Variants in DCLK1 observed in about 807,000 individuals in gnomAD.
DCLK1 encodes serine/threonine-protein kinase DCLK1.
A neutral mutation model predicts 86.2 loss-of-function variants in DCLK1; 16 were observed. That is an observed-to-expected ratio of 0.19 (90% CI 0.13 to 0.28). The LOEUF (loss-of-function observed/expected upper bound fraction) is 0.28, where lower values mean the gene tolerates loss of function less well. Ranked by LOEUF, DCLK1 falls within the 10% of genes least tolerant of loss-of-function variation. The probability of loss-of-function intolerance (pLI) is 1.00; values close to 1 mark genes in which losing one functional copy is unlikely to be tolerated. For synonymous variants in DCLK1, 369 were observed against 370.5 expected (o/e 1.00, Z 0.05); for missense variants, 590 against 940.2 (o/e 0.63, Z 4.87).
In DCLK1 at chr13:35,980,668, G is replaced by A. The variant is rs75725979; in HGVS notation, c.724-33211C>T. Reference sequence around the variant, plus strand: ...TCCATGGACGTGGGCTGGGTGCGGGGATGGTTTCGTGATGAAATCATTCCA... The same window carrying A: ...TCCATGGACGTGGGCTGGGTGCGGGAATGGTTTCGTGATGAAATCATTCCA... On this transcript the variant is annotated intron_variant, in intron 3 of 16. Coordinates refer to ENST00000360631, the MANE Select transcript of DCLK1 (RefSeq NM_001330071.2). 3.3e-3 allele frequency among the ~76,000 whole-genome samples: 497 copies of A among 152,188 alleles called. 1 individual carries two copies. Among genetic ancestry groups the A allele is most frequent in the African/African-American group, 0.011 (472 of 41,518 alleles).
intron 3 of DCLK1, among the ~76,000 whole-genome samples, chr13:36,078,651 T>C (rs1884302347): frequency 6.6e-6 from 1 of 152,212 alleles, no homozygotes; most frequent in Non-Finnish European, 1.5e-5. Context: ...CTGGAGCAAG[T>C]GGATGGTGAA....
At position 35,850,517 on chromosome 13, in the gene DCLK1, G is replaced by A. The variant is rs978813976; in HGVS notation, c.1035+3982C>T. 6.5e-6 allele frequency: 8 copies of A among 1,238,514 alleles called. No homozygotes were observed. The African/African-American group carries it at 9.4e-5, about 14-fold the overall frequency. 76.7% of individuals were successfully genotyped at this position (1,238,514 alleles called of 1,614,324 possible). On this transcript the variant is annotated intron_variant, in intron 6 of 16. Coordinates refer to ENST00000360631, the MANE Select transcript of DCLK1 (RefSeq NM_001330071.2). ...AAACTCTCCCCAATCAAATCCATGTGGGAGATATTTTTAAAAATCTCTCAA... is the reference window on the plus strand; with the variant it reads ...AAACTCTCCCCAATCAAATCCATGTAGGAGATATTTTTAAAAATCTCTCAA...
At chr13:35,890,736 G>C (rs1873592501) in intron 4 of DCLK1, among the ~76,000 whole-genome samples, 3 of 151,644 alleles carry the variant, frequency 2.0e-5, no homozygotes, top group African/African-American at 7.3e-5. Flanking sequence ...TTACCTGTTT[G>C]AGAAAAAAAT....
At chr13:36,124,285 GA>G (rs1228920396) in intron 2 of DCLK1, among the ~76,000 whole-genome samples, 5 of 152,174 alleles carry the variant, frequency 3.3e-5, no homozygotes, top group African/African-American at 1.2e-4. Context: ...AATTAAAGCT[GA>G]AACAGTAAAA....
chr13:35,975,563 G>A (rs1249000821), intron 3 of DCLK1, among the ~76,000 whole-genome samples: 1 of 139,516 alleles, frequency 7.2e-6, no homozygotes, highest in African/African-American at 2.7e-5. Context: ...CACCCCACTT[G>A]CTACCAGAGT....
At chr13:36,036,094 G>C (rs1882477350) in intron 3 of DCLK1, among the ~76,000 whole-genome samples, 1 of 152,102 alleles carries the variant, frequency 6.6e-6, no homozygotes, top group African/African-American at 2.4e-5. Flanking sequence ...CTCCCCGTAA[G>C]ACATGCCCAT....
chr13:36,050,693 G>T (rs1384534566), intron 3 of DCLK1, among the ~76,000 whole-genome samples: 1 of 152,092 alleles, frequency 6.6e-6, no homozygotes, highest in Non-Finnish European at 1.5e-5. Context: ...TATGCATGAG[G>T]TTCAAGTTCT....
chr13:36,057,336 T>C (rs1335113743), intron 3 of DCLK1, among the ~76,000 whole-genome samples: 1 of 152,188 alleles, frequency 6.6e-6, no homozygotes, highest in Non-Finnish European at 1.5e-5. Context: ...TCTACTTTCC[T>C]GTCTTTAAAA....
At chr13:35,975,063 C>T (rs902083206) in intron 3 of DCLK1, among the ~76,000 whole-genome samples, 19 of 152,154 alleles carry the variant, frequency 1.2e-4, no homozygotes, top group Admixed American at 6.5e-4. Flanking sequence ...TGTAAGGTCC[C>T]CAAGGGCACA....
At chr13:35,909,304 G>A (rs1874863599) in intron 4 of DCLK1, among the ~76,000 whole-genome samples, 1 of 152,188 alleles carries the variant, frequency 6.6e-6, no homozygotes, top group African/African-American at 2.4e-5. Flanking sequence ...TTTCTCCAAA[G>A]AGGGTGTGAG....
chr13:36,130,952 G>A (rs979906162), intron 1 of DCLK1, among the ~76,000 whole-genome samples, 162 bp downstream of exon 1: 1 of 151,810 alleles, frequency 6.6e-6, no homozygotes, highest in African/African-American at 2.4e-5. Flanking sequence ...GCTGGCCAGG[G>A]CAGGGCGGCC....
chr13:35,789,188 C>T (rs2086669738), intron 16 of DCLK1, among the ~76,000 whole-genome samples: 1 of 152,148 alleles, frequency 6.6e-6, no homozygotes, highest in South Asian at 2.1e-4. Flanking sequence ...ACTTGGACAC[C>T]TTTCTTCAGA....
In DCLK1 at chr13:35,983,120, T is replaced by TTTA. The variant is rs570947552; in HGVS notation, c.724-35666_724-35664dup. Among the ~76,000 whole-genome samples, 82 of 151,664 alleles carry TTTA rather than the reference T, an allele frequency of 5.4e-4. No individual in the cohort carries two copies. The East Asian group carries it at 7.6e-3, about 14-fold the overall frequency. Reference sequence around the variant, plus strand: ...AAGCTTCCTGTAGGGTCCAGAACTCTTTATTATTATTATTATTATTTTAGA... The same window carrying TTTA: ...AAGCTTCCTGTAGGGTCCAGAACTCTTTATTATTATTATTATTATTATTTTAGA... On this transcript the variant is annotated intron_variant, in intron 3 of 16. Transcript: ENST00000360631.
chr13:36,106,579 T>C (rs1885405537), intron 3 of DCLK1, among the ~76,000 whole-genome samples: 1 of 152,196 alleles, frequency 6.6e-6, no homozygotes, highest in Admixed American at 6.5e-5. Context: ...ATAGGTAGTG[T>C]AGCAAATCAA....
chr13:35,860,925 T>C (rs1379251650), intron 5 of DCLK1, among the ~76,000 whole-genome samples: 1 of 151,806 alleles, frequency 6.6e-6, no homozygotes, highest in Admixed American at 6.6e-5. Context: ...CTAGGCCAAG[T>C]GAGAGGAATA....
At chr13:35,978,697 C>A (rs148707030) in intron 3 of DCLK1, among the ~76,000 whole-genome samples, 1 of 152,120 alleles carries the variant, frequency 6.6e-6, no homozygotes, top group African/African-American at 2.4e-5. Context: ...TATCACAATT[C>A]GCCACTTGGT....
chr13:35,856,058 A>G (rs1271821142), intron 5 of DCLK1, among the ~76,000 whole-genome samples: 1 of 152,168 alleles, frequency 6.6e-6, no homozygotes, highest in Admixed American at 6.5e-5. Context: ...TTGTTTTGTC[A>G]TCTCCTCCAA....
chr13:36,068,002 A>G (rs534889483), intron 3 of DCLK1, among the ~76,000 whole-genome samples: 3 of 152,230 alleles, frequency 2.0e-5, no homozygotes, highest in South Asian at 2.1e-4. Context: ...ACGCACATGT[A>G]TAAGTGTTCA....
intron 3 of DCLK1, among the ~76,000 whole-genome samples, chr13:36,064,874 A>G (rs1300485491): frequency 6.6e-6 from 1 of 152,172 alleles, no homozygotes; most frequent in Non-Finnish European, 1.5e-5. Context: ...ACAGGTCACC[A>G]TGCCATTACT....
Sources: gnomAD v4.1 joint callset for allele counts (sites outside exome capture counted in the v4.1 genomes callset) on GRCh38, gnomAD v4.1.1 for gene constraint, MANE v1.5 for transcripts, NCBI Gene and HGNC (gene_info 2026-07-23, HGNC 2026-07-21) for gene names.